Variants in ELMOD3 observed in about 807,000 individuals in gnomAD.
ELMOD3 encodes the protein ELMO domain containing 3.
A neutral mutation model predicts 47.4 loss-of-function variants in ELMOD3; 36 were observed. That is an observed-to-expected ratio of 0.76 (90% confidence interval 0.58 to 1.00). The LOEUF (loss-of-function observed/expected upper bound fraction) is 1.00. ELMOD3 is among the 50% of genes least tolerant of loss of function. The pLI is 0.00. For synonymous variants in ELMOD3, 149 were observed against 183.5 expected, an observed-to-expected ratio of 0.81 and a Z score of 1.52; for missense variants, 404 against 463.8, an observed-to-expected ratio of 0.87 and a Z score of 1.18.
chr2:85,390,249 G>A lies in ELMOD3; in HGVS notation c.927G>A (p.Ser309=), dbSNP rs757389245. The part of the protein sequence containing the change: ...WRTQRKTISD[S]GFVLKELEVL... ...CACAGCGGAAGACCATCTCAGACTC[G>A]GGCTTTGTCCTCAAAGGTGTGCTCT... Residue 309 remains serine (S), a synonymous_variant, in exon 13 of 14, where the codon TCG becomes TCA. Coordinates refer to ENST00000409013, the MANE Select transcript of ELMOD3 (RefSeq NM_001135022.2). 3.7e-6 allele frequency: 6 copies of A among 1,614,168 alleles called. No homozygotes were observed. Among genetic ancestry groups the A allele is most frequent in the South Asian group, 1.1e-5 (1 of 91,084 alleles).
At chr2:85,369,104 T>G (rs1684605739) in intron 7 of ELMOD3, among the ~76,000 whole-genome samples, 2 of 152,150 alleles carry the variant, frequency 1.3e-5, no homozygotes, top group South Asian at 2.1e-4. Flanking sequence ...CTGCTCAGGT[T>G]GTTTACTGCA....
chr2:85,362,298 C>T, intron 5 of ELMOD3, 38 bp downstream of exon 5: 1 of 1,261,884 alleles, frequency 7.9e-7, no homozygotes, highest in Non-Finnish European at 1.2e-6. Flanking sequence ...TCTGCCAGGG[C>T]TTTTGTTGTG....
chr2:85,371,046 G>A (rs1477490582), intron 8 of ELMOD3, 40 bp from the exon 9 acceptor site: 1 of 1,603,314 alleles, frequency 6.2e-7, no homozygotes, highest in Non-Finnish European at 8.5e-7. Flanking sequence ...TAAGGGAAAT[G>A]AACCAGCATT....
intron 3 of ELMOD3, chr2:85,356,141 T>C (rs1041165926): frequency 1.3e-5 from 2 of 152,282 alleles, no homozygotes; most frequent in Non-Finnish European, 2.9e-5. Flanking sequence ...GCCCTTTTCC[T>C]GAGGGAAGCA....
intron 11 of ELMOD3, among the ~76,000 whole-genome samples, chr2:85,377,994 G>A (rs1228452571): frequency 1.3e-5 from 2 of 152,226 alleles, no homozygotes; most frequent in African/African-American, 4.8e-5. Context: ...ACAAAGGAAG[G>A]AAGAAATAAC....
chr2:85,368,653 C>T (rs756502601), intron 6 of ELMOD3, 33 bp from the exon 7 acceptor site: 17 of 1,611,282 alleles, frequency 1.1e-5, no homozygotes, highest in Non-Finnish European at 1.4e-5. Context: ...ATACCTAGAT[C>T]TCAGAGGGTC....
chr2:85,379,055 A>T (rs556455084), intron 11 of ELMOD3, among the ~76,000 whole-genome samples: 3 of 152,310 alleles, frequency 2.0e-5, no homozygotes, highest in South Asian at 4.1e-4. Context: ...TGGCTTATGT[A>T]TGTAAATAGG....
At chr2:85,389,221 G>A (rs1334960367) in intron 11 of ELMOD3, among the ~76,000 whole-genome samples, 2 of 152,332 alleles carry the variant, frequency 1.3e-5, no homozygotes, top group South Asian at 2.1e-4. Context: ...CGTGAGATGG[G>A]GTGTCCCCCC....
intron 11 of ELMOD3, among the ~76,000 whole-genome samples, chr2:85,378,567 G>A (rs1573131104): frequency 6.6e-6 from 1 of 152,184 alleles, no homozygotes; most frequent in Admixed American, 6.5e-5. Flanking sequence ...GTAGATAAGA[G>A]ACAAATAATT....
Position 85,360,097 on chromosome 2 carries a change from TA to T in ELMOD3, c.55-2084del, listed in dbSNP as rs377039388. On this transcript the variant is annotated intron_variant, in intron 4 of 13. Coordinates refer to ENST00000409013, the MANE Select transcript of ELMOD3 (RefSeq NM_001135022.2). ...CCACATGGAGAAACCCCGTCTCTACTAAAAATACTCTACTAAAAATTAGCAG... is the reference window on the plus strand; with the variant it reads ...CCACATGGAGAAACCCCGTCTCTACTAAAATACTCTACTAAAAATTAGCAG... 2.7e-3 allele frequency among the ~76,000 whole-genome samples: 417 copies of T among 152,050 alleles called. 1 individual carries two copies. The highest frequency in any genetic ancestry group is 9.3e-3 in the African/African-American group (385 of 41,504).
chr2:85,370,130 G>A (rs1684689021), intron 8 of ELMOD3, among the ~76,000 whole-genome samples: 1 of 152,196 alleles, frequency 6.6e-6, no homozygotes, highest in African/African-American at 2.4e-5. Context: ...GCAGAGGCAA[G>A]GCAAACTGTT....
Position 85,371,206 on chromosome 2 carries a change from C to T in ELMOD3, c.481C>T (p.Gln161Ter), listed in dbSNP as rs1176603021. 7 of 1,614,132 alleles carry T rather than the reference C, an allele frequency of 4.3e-6. No homozygotes were observed. In the African/African-American group the frequency reaches 5.3e-5, roughly 12 times the overall value. Residue 161 changes from glutamine to a stop codon, truncating the protein, a stop_gained, in exon 9 of 14, where the codon CAG becomes TAG. Coordinates refer to ENST00000409013, the MANE Select transcript of ELMOD3 (RefSeq NM_001135022.2). LOFTEE classifies it high-confidence loss of function. ...EERDLVLTIAQCGLDSQDPVH... is the reference protein window; with the variant it reads ...EERDLVLTIA ...AAGGGACTTGGTCCTGACCATTGCT[C>T]AGTGTGAGTGCAATGCGAGCCCACA...
Position 85,377,452 on chromosome 2 carries a change from G to A in ELMOD3, c.716G>A (p.Arg239His), listed in dbSNP as rs367958335. The part of the protein sequence containing the change: ...KTLPMAQEIF[R>H]LSRHHIQQFP... ...TTGCCGATGGCGCAGGAGATTTTCCGCCTGTCTCGTCACCACATCCAGGTG... is the reference window on the plus strand; with the variant it reads ...TTGCCGATGGCGCAGGAGATTTTCCACCTGTCTCGTCACCACATCCAGGTG... The change falls in exon 11 of 14, where the codon CGC (arginine) becomes CAC (histidine). Residue 239 changes from arginine to histidine, a missense_variant. Physicochemically the swap from Arg to His is conservative, Grantham distance 29. Transcript: ENST00000409013. 1.3e-4 allele frequency: 216 copies of A among 1,608,562 alleles called. 2 individuals carry two copies. In the South Asian group the frequency reaches 2.0e-3, roughly 15 times the overall value.
intron 8 of ELMOD3, 29 bp from the exon 9 acceptor site, chr2:85,371,057 C>G (rs756855018): frequency 6.2e-7 from 1 of 1,610,024 alleles, no homozygotes; most frequent in Non-Finnish European, 8.5e-7. Flanking sequence ...AACCAGCATT[C>G]TGCCCATTGC....
At chr2:85,375,144 T>G (rs916121406) in intron 10 of ELMOD3, among the ~76,000 whole-genome samples, 2 of 152,196 alleles carry the variant, frequency 1.3e-5, no homozygotes, top group Non-Finnish European at 2.9e-5. Context: ...GATGTGTCAT[T>G]GTGTGGATTT....
rs116470781 is a variant in ELMOD3 at position 85,371,517 on chromosome 2, G to A, written c.562G>A (p.Asp188Asn). ...TAAGAAGCTGACCGGCTCCAAGTTT[G>A]ACTGTGCCCTTCATGGAAACCACTG... ...IYKKLTGSKFDCALHGNHWED... is the reference protein window; with the variant it reads ...IYKKLTGSKFNCALHGNHWED... Residue 188 changes from aspartate to asparagine, a missense_variant, in exon 10 of 14, where the codon GAC becomes AAC. Transcript: ENST00000409013. 1,593 of 1,614,208 alleles carry A rather than the reference G, an allele frequency of 9.9e-4. 21 individuals carry two copies. The African/African-American group carries it at 0.019, about 19-fold the overall frequency.
Position 85,362,277 on chromosome 2 carries a change from A to G in ELMOD3, c.129+17A>G. The G allele has an allele frequency of 1.4e-6, 2 of 1,462,444 alleles. No homozygotes were observed. The highest frequency in any genetic ancestry group is 1.9e-6 in the Non-Finnish European group (2 of 1,041,722). The allele number at this position is 1,462,444 out of a possible 1,614,324, so 90.6% of individuals were successfully genotyped here. A position where few individuals can be genotyped will look rare whatever the true frequency, so the allele number is the denominator to read the frequency against. ...GGAATCCCTGTATGTATCACCCACA[A>G]CTTGGTACCTTCTGCCAGGGCTTTT... is the stretch of plus-strand genomic sequence containing the variant. On this transcript the variant is annotated intron_variant, in intron 5 of 13. Coordinates refer to ENST00000409013, the MANE Select transcript of ELMOD3 (RefSeq NM_001135022.2).
At chr2:85,364,802 T>TAC (rs2104529473) in intron 6 of ELMOD3, among the ~76,000 whole-genome samples, 1 of 109,378 alleles carries the variant, frequency 9.1e-6, no homozygotes, top group African/African-American at 3.9e-5. Context: ...TTACTTTAAA[T>TAC]ACATATATAT....
At position 85,371,439 on chromosome 2, in the gene ELMOD3, G is replaced by A. The variant is rs369497831; in HGVS notation, c.485-1G>A. On this transcript the variant is annotated splice_acceptor_variant, in intron 9 of 13. Transcript: ENST00000409013. LOFTEE classifies it high-confidence loss of function. ...GAGAGTGTGGGTGTGTTTTGGGGCA[G>A]GTGGCCTGGATAGCCAAGACCCAGT... The A allele has an allele frequency of 1.2e-6, 2 of 1,614,206 alleles. No homozygotes were observed. Among genetic ancestry groups the A allele is most frequent in the Non-Finnish European group, 1.7e-6 (2 of 1,180,040 alleles).
Sources: gnomAD v4.1 joint callset for allele counts (sites outside exome capture counted in the v4.1 genomes callset) on GRCh38, gnomAD v4.1.1 for gene constraint, MANE v1.5 for transcripts, NCBI Gene and HGNC (gene_info 2026-07-23, HGNC 2026-07-21) for gene names.